The following CCDC146 variants were observed in gnomAD, a reference collection of about 807,000 sequenced individuals.
The protein encoded by CCDC146 is coiled-coil domain containing 146.
Under a neutral mutation model 119.3 loss-of-function variants are expected in CCDC146, and 92 were observed. The ratio of observed to expected loss-of-function variants is 0.77; its 90% confidence interval spans 0.65 to 0.92. The LOEUF is 0.92. CCDC146 is among the 40% of genes least tolerant of loss of function. CCDC146 has a pLI of 0.00. For synonymous variants in CCDC146, 372 were observed against 371.8 expected (o/e 1.00, Z -0.01); for missense variants, 1,000 against 1,103.0 (o/e 0.91, Z 1.32).
At chr7:77,172,714 G>C (rs975757458) in intron 2 of CCDC146, among the ~76,000 whole-genome samples, 3 of 152,152 alleles carry the variant, frequency 2.0e-5, no homozygotes, top group Admixed American at 1.3e-4. Context: ...AAGGAATAAC[G>C]TCAGATGTCT....
chr7:77,198,215 C>T (rs1382298947), intron 2 of CCDC146: 4 of 985,330 alleles, frequency 4.1e-6, no homozygotes, highest in Non-Finnish European at 4.8e-6. Context: ...AAATATGACC[C>T]TTCCCTCCTT....
rs1219512701 is a variant in CCDC146, at chr7:77,215,856, G to A, written c.157-21091G>A. Among the ~76,000 whole-genome samples the A allele has an allele frequency of 2.6e-5, 4 of 151,964 alleles. No homozygotes were observed. In the South Asian group the frequency reaches 8.3e-4, roughly 31 times the overall value. ...TAGGATTCCTATTCAAATTGGAATG[G>A]TTCCTTCCCATGAAATTATATTTTG... On this transcript the variant is annotated intron_variant, in intron 2 of 18. Coordinates refer to ENST00000285871, the MANE Select transcript of CCDC146 (RefSeq NM_020879.3).
chr7:77,209,030 C>T (rs975844136), intron 2 of CCDC146, among the ~76,000 whole-genome samples: 1 of 152,128 alleles, frequency 6.6e-6, no homozygotes. Flanking sequence ...CACCTCCGGC[C>T]CCTCCCAAAT....
chr7:77,260,388 C>G, intron 8 of CCDC146, 152 bp downstream of exon 8: 1 of 585,338 alleles, frequency 1.7e-6, no homozygotes, highest in Non-Finnish European at 2.9e-6. Context: ...TCAAATAAAG[C>G]ACTTTGAAGT....
intron 1 of CCDC146, among the ~76,000 whole-genome samples, chr7:77,142,405 T>A (rs1384975757): frequency 6.7e-6 from 1 of 149,414 alleles, no homozygotes; most frequent in Non-Finnish European, 1.5e-5. Context: ...TATGTATACA[T>A]GTGCCATGTG....
intron 2 of CCDC146, among the ~76,000 whole-genome samples, chr7:77,206,620 G>T: frequency 6.7e-6 from 1 of 149,282 alleles, no homozygotes; most frequent in Middle Eastern, 3.6e-3. Flanking sequence ...GTGACAAAGC[G>T]AAACTCTGTC....
At chr7:77,197,969 A>G (rs1225147495) in intron 2 of CCDC146, among the ~76,000 whole-genome samples, 1 of 152,204 alleles carries the variant, frequency 6.6e-6, no homozygotes, top group East Asian at 1.9e-4. Context: ...AATATGAGAT[A>G]CCCTAAGGCA....
At chr7:77,259,823 C>T in intron 7 of CCDC146, 186 bp from the exon 8 acceptor site, 1 of 538,044 alleles carries the variant, frequency 1.9e-6, no homozygotes, top group Non-Finnish European at 3.3e-6. Flanking sequence ...CCCTCCAAGT[C>T]CCACCCATCT....
chr7:77,260,764 C>T (rs1325520029), intron 8 of CCDC146, among the ~76,000 whole-genome samples: 3 of 150,064 alleles, frequency 2.0e-5, no homozygotes, highest in Non-Finnish European at 4.4e-5. Flanking sequence ...GTAGTTGGGA[C>T]TACATGTGCG....
chr7:77,184,276 G>A (rs1267011624), intron 2 of CCDC146, among the ~76,000 whole-genome samples: 7 of 152,150 alleles, frequency 4.6e-5, no homozygotes, highest in African/African-American at 1.7e-4. Context: ...TCAGTGTTTT[G>A]AAAATATGTC....
At chr7:77,147,366 T>C (rs892230379) in intron 1 of CCDC146, among the ~76,000 whole-genome samples, 15 of 152,354 alleles carry the variant, frequency 9.8e-5, no homozygotes, top group African/African-American at 3.4e-4. Context: ...CTTCCTCCTT[T>C]AGCTCGGAGA....
intron 3 of CCDC146, among the ~76,000 whole-genome samples, chr7:77,240,316 G>C (rs551907933): frequency 2.6e-5 from 4 of 152,234 alleles, no homozygotes; most frequent in African/African-American, 9.6e-5. Flanking sequence ...GTATTCCTCC[G>C]CATCTGCCAG....
chr7:77,274,110 T>G (rs563841997), intron 10 of CCDC146, among the ~76,000 whole-genome samples: 38 of 152,368 alleles, frequency 2.5e-4, no homozygotes, highest in African/African-American at 8.2e-4. Context: ...TTTATGTGTC[T>G]TCTTTTTCTT....
At chr7:77,221,888 A>C (rs1792411009) in intron 2 of CCDC146, among the ~76,000 whole-genome samples, 1 of 152,218 alleles carries the variant, frequency 6.6e-6, no homozygotes, top group Admixed American at 6.5e-5. Flanking sequence ...TGCAGAAAAC[A>C]TAAAAGGGCT....
chr7:77,180,504 G>T (rs1650022433), intron 2 of CCDC146, among the ~76,000 whole-genome samples: 1 of 152,158 alleles, frequency 6.6e-6, no homozygotes, highest in South Asian at 2.1e-4. Context: ...TTCAAGACCA[G>T]TCTGGGAAAC....
chr7:77,124,880 G>T (rs1790671470), intron 1 of CCDC146, among the ~76,000 whole-genome samples: 1 of 152,164 alleles, frequency 6.6e-6, no homozygotes, highest in African/African-American at 2.4e-5. Flanking sequence ...ACTTGTAAGA[G>T]AAAATAATTG....
rs1457818408 is a variant in CCDC146 at position 77,196,557 on chromosome 7, G to A, written c.156+28733G>A. ...AAAAACTTCAGATCGTGGTTGTAAT[G>A]TTTGTTGAAACGTAATGCATCTCCA... is the stretch of plus-strand genomic sequence containing the variant. On this transcript the variant is annotated intron_variant, in intron 2 of 18. Transcript: ENST00000285871. This position sits in a 1 kb window ranked among gnomAD's most constrained non-coding sequence, Gnocchi z 4.2. 5 of 1,614,026 alleles carry A rather than the reference G, an allele frequency of 3.1e-6. No individual in the cohort carries two copies. In the African/African-American group the frequency reaches 6.7e-5, roughly 22 times the overall value.
intron 2 of CCDC146, among the ~76,000 whole-genome samples, chr7:77,201,604 G>GA (rs894163443): frequency 3.0e-4 from 42 of 139,030 alleles, no homozygotes; most frequent in Admixed American, 5.1e-4. Context: ...GAGCACTTAA[G>GA]AAAAAAAAAA....
chr7:77,278,890 C>A (rs765204311), intron 12 of CCDC146, 47 bp from the exon 13 acceptor site: 6 of 1,596,264 alleles, frequency 3.8e-6, no homozygotes, highest in Non-Finnish European at 2.6e-6. Context: ...GGAAAAAAAC[C>A]TGATGTTCAT....
Sources: gnomAD v4.1 joint callset for allele counts (sites outside exome capture counted in the v4.1 genomes callset) on GRCh38, gnomAD v4.1.1 for gene constraint, Gnocchi (gnomAD v3.1) non-coding constraint, MANE v1.5 for transcripts, NCBI Gene and HGNC (gene_info 2026-07-23, HGNC 2026-07-21) for gene names.